Variants in CALN1 observed in about 807,000 individuals in gnomAD.
CALN1 encodes the protein calcium-binding protein 8.
A neutral mutation model predicts 30.6 loss-of-function variants in CALN1; 17 were observed. The ratio of observed to expected loss-of-function variants is 0.56; its 90% confidence interval spans 0.38 to 0.83. The LOEUF (loss-of-function observed/expected upper bound fraction) is 0.83. Among genes scored for constraint, CALN1 ranks in the 40% least tolerant of loss-of-function variants. CALN1 has a pLI of 0.00. For synonymous variants in CALN1, 156 were observed against 131.4 expected (o/e 1.19, Z -1.28); for missense variants, 291 against 354.9 (o/e 0.82, Z 1.45).
intron 5 of CALN1, among the ~76,000 whole-genome samples, chr7:71,965,780 C>T (rs1189447597): frequency 6.6e-6 from 1 of 150,664 alleles, no homozygotes; most frequent in South Asian, 2.1e-4. Context: ...ATTATTGCAG[C>T]TATGTTCTGG....
intron 5 of CALN1, among the ~76,000 whole-genome samples, chr7:71,867,856 G>T (rs1284828899): frequency 6.6e-6 from 1 of 152,208 alleles, no homozygotes; most frequent in Non-Finnish European, 1.5e-5. Flanking sequence ...CCACGCCAAA[G>T]GCAGGCTTGC....
At chr7:72,423,519 C>G (rs1001060767) in intron 1 of CALN1, among the ~76,000 whole-genome samples, 14 of 152,208 alleles carry the variant, frequency 9.2e-5, no homozygotes, top group African/African-American at 3.1e-4. Context: ...CCAGGAGACC[C>G]AGAGATACCA....
At chr7:71,925,319 T>C (rs186605863) in intron 5 of CALN1, among the ~76,000 whole-genome samples, 1 of 152,028 alleles carries the variant, frequency 6.6e-6, no homozygotes, top group Non-Finnish European at 1.5e-5. Context: ...GAAAGATTGA[T>C]TTATATTGAT....
chr7:72,401,401 A>T (rs1010113360), intron 2 of CALN1, among the ~76,000 whole-genome samples: 2 of 152,130 alleles, frequency 1.3e-5, no homozygotes, highest in African/African-American at 4.8e-5. Context: ...TCTCTCTCTC[A>T]GCCCACTGCA....
intron 3 of CALN1, among the ~76,000 whole-genome samples, chr7:72,117,273 T>C (rs866842478): frequency 5.3e-5 from 8 of 152,286 alleles, no homozygotes; most frequent in South Asian, 2.1e-4. Flanking sequence ...GCTATGATCA[T>C]ACCACACTTA....
intron 2 of CALN1, among the ~76,000 whole-genome samples, chr7:72,375,343 G>T (rs778604980): frequency 2.6e-5 from 4 of 151,572 alleles, no homozygotes; most frequent in Non-Finnish European, 5.9e-5. Flanking sequence ...CAGGAAGATT[G>T]CTTGAGCCCA....
chr7:72,237,020 T>C (rs1794516373), intron 3 of CALN1, among the ~76,000 whole-genome samples: 1 of 151,422 alleles, frequency 6.6e-6, no homozygotes, highest in Non-Finnish European at 1.5e-5. Flanking sequence ...GTTTCCCTCT[T>C]GTTGCCCAAG....
intron 4 of CALN1, among the ~76,000 whole-genome samples, chr7:72,087,881 C>A (rs564893080): frequency 6.6e-6 from 1 of 152,070 alleles, no homozygotes; most frequent in South Asian, 2.1e-4. Context: ...TGAGAGTGTA[C>A]GCTGGGCGTG....
intron 3 of CALN1, among the ~76,000 whole-genome samples, chr7:72,237,929 A>G (rs1489383584): frequency 6.6e-6 from 1 of 152,234 alleles, no homozygotes; most frequent in Admixed American, 6.5e-5. Context: ...CACTGTTGAC[A>G]GCAAATGCAT....
At chr7:72,284,855 G>A (rs1490763661) in intron 2 of CALN1, among the ~76,000 whole-genome samples, 1 of 152,132 alleles carries the variant, frequency 6.6e-6, no homozygotes, top group African/African-American at 2.4e-5. Flanking sequence ...ATATATGATA[G>A]ATGATGGATG....
intron 3 of CALN1, among the ~76,000 whole-genome samples, chr7:72,264,118 A>G (rs1796458018): frequency 6.6e-6 from 1 of 152,202 alleles, no homozygotes. Flanking sequence ...TGACCTTCTG[A>G]GAAGTCAGGA....
At chr7:72,135,950 T>C (rs1385019714) in intron 3 of CALN1, among the ~76,000 whole-genome samples, 1 of 151,788 alleles carries the variant, frequency 6.6e-6, no homozygotes, top group Admixed American at 6.6e-5. Flanking sequence ...CTGGTCAACA[T>C]AGTAAAACCC....
chr7:72,038,273 C>T (rs1340385205), intron 4 of CALN1, among the ~76,000 whole-genome samples: 1 of 152,140 alleles, frequency 6.6e-6, no homozygotes, highest in African/African-American at 2.4e-5. Flanking sequence ...ACCCCACCCC[C>T]AAAGCTTCTC....
chr7:71,974,767 C>A, intron 5 of CALN1, among the ~76,000 whole-genome samples: 1 of 152,176 alleles, frequency 6.6e-6, no homozygotes, highest in East Asian at 1.9e-4. Flanking sequence ...TCAGTTGGAA[C>A]AAACTTTCTG....
intron 5 of CALN1, among the ~76,000 whole-genome samples, chr7:72,014,985 T>C (rs1800295907): frequency 6.6e-6 from 1 of 152,162 alleles, no homozygotes. Context: ...TAAATATTCT[T>C]ATAATCTAAT....
chr7:72,160,188 T>C (rs1247619747), intron 3 of CALN1, among the ~76,000 whole-genome samples: 2 of 152,182 alleles, frequency 1.3e-5, no homozygotes, highest in African/African-American at 4.8e-5. Flanking sequence ...CCATAAAATA[T>C]GACTCCCTGA....
intron 2 of CALN1, among the ~76,000 whole-genome samples, chr7:72,344,549 G>A (rs768034262): frequency 1.8e-4 from 26 of 146,058 alleles, no homozygotes; most frequent in Non-Finnish European, 3.6e-4. Flanking sequence ...GTATTGAGGG[G>A]ATAAATATAT....
intron 5 of CALN1, among the ~76,000 whole-genome samples, chr7:71,980,543 G>A (rs1426871786): frequency 6.6e-6 from 1 of 152,086 alleles, no homozygotes; most frequent in Non-Finnish European, 1.5e-5. Flanking sequence ...TCCTCATAGG[G>A]ATATAGAAAT....
chr7:72,004,990 T>C (rs1799697132), intron 5 of CALN1, among the ~76,000 whole-genome samples: 1 of 152,164 alleles, frequency 6.6e-6, no homozygotes. Context: ...AATAGTGACA[T>C]ACCAAAGCTG....
Sources: allele counts gnomAD v4.1 joint callset (sites outside exome capture counted in the v4.1 genomes callset), GRCh38; gene constraint gnomAD v4.1.1; transcripts MANE v1.5; gene names NCBI Gene and HGNC (gene_info 2026-07-23, HGNC 2026-07-21).